Variants in DDX49 observed in about 807,000 individuals in gnomAD.
DDX49 encodes DEAD-box helicase 49, also known as probable ATP-dependent RNA helicase DDX49.
Under a neutral mutation model 56.3 loss-of-function variants are expected in DDX49, and 50 were observed. That is an observed-to-expected ratio of 0.89 (90% CI 0.71 to 1.12). DDX49 has a LOEUF of 1.12. DDX49 is among the 50% of genes most tolerant of loss of function. The probability of loss-of-function intolerance (pLI) is 0.00; values close to 1 mark genes in which losing one functional copy is unlikely to be tolerated. For synonymous variants in DDX49, 269 were observed against 270.6 expected (o/e 0.99, Z 0.06); for missense variants, 614 against 650.5 (o/e 0.94, Z 0.61).
Position 18,928,256 on chromosome 19 carries a change from T to C in DDX49, c.1392T>C (p.Arg464=), listed in dbSNP as rs1387135134. The part of the protein sequence containing the change: ...QKAGRAGHKG[R]PPRTPSGSHS... ...CTGGCAGGGCTGGCCACAAGGGGCGTCCACCCAGGACACCGTCTGGGTCCC... is the reference window on the plus strand; with the variant it reads ...CTGGCAGGGCTGGCCACAAGGGGCGCCCACCCAGGACACCGTCTGGGTCCC... Residue 464 remains arginine, a synonymous_variant, in exon 13 of 13, where the codon CGT becomes CGC. Transcript: ENST00000247003. 1 of 1,588,092 alleles carries C rather than the reference T, an allele frequency of 6.3e-7. No homozygotes were observed. The highest frequency in any genetic ancestry group is 2.3e-5 in the East Asian group (1 of 43,720).
chr19:18,921,864 A>T lies in DDX49; in HGVS notation c.347A>T (p.Glu116Val). 6.2e-7 allele frequency: 1 copy of T among 1,613,988 alleles called. No individual in the cohort carries two copies. The highest frequency in any genetic ancestry group is 8.5e-7 in the Non-Finnish European group (1 of 1,179,992). The change falls in exon 4 of 13, where the codon GAG becomes GTG. Residue 116 changes from glutamate (E) to valine (V), a missense_variant. By Grantham distance (121) the Glu-to-Val change is moderately radical. Coordinates refer to ENST00000247003, the MANE Select transcript of DDX49 (RefSeq NM_019070.5). ...CCAGACATGGTGGCCCAGGCGCTGG[A>T]GCTCTCTCGGAAACCACACGTGGTC... Reference protein sequence around the residue: ...GGMDMVAQALELSRKPHVVIA... With the variant: ...GGMDMVAQALVLSRKPHVVIA...
chr19:18,927,802 A>G lies in DDX49; in HGVS notation c.1139A>G (p.Glu380Gly). The G allele has an allele frequency of 6.2e-7, 1 of 1,613,832 alleles. No homozygotes were observed. Among genetic ancestry groups the G allele is most frequent in the Non-Finnish European group, 8.5e-7 (1 of 1,179,982 alleles). Residue 380 changes from glutamate (E) to glycine (G), a missense_variant, in exon 11 of 13, where the codon GAG becomes GGG. Glu to Gly is a moderately conservative substitution (Grantham distance 98, BLOSUM62 -2). Transcript: ENST00000247003. ...KLEEFSVEEA[E>G]VLQILTQVNV... is the part of the protein sequence containing the mutation. Reference sequence around the variant, plus strand: ...GAGGAGTTCTCCGTGGAAGAGGCCGAGGTGCTACAGATCCTCACACAGGTC... The same window carrying G: ...GAGGAGTTCTCCGTGGAAGAGGCCGGGGTGCTACAGATCCTCACACAGGTC...
At chr19:18,926,678 G>A (rs2056963908) in intron 10 of DDX49, among the ~76,000 whole-genome samples, 1 of 152,154 alleles carries the variant, frequency 6.6e-6, no homozygotes, top group South Asian at 2.1e-4. Context: ...GACAGGGCCT[G>A]GCCTGCTAAA....
rs1481775177 is a variant in DDX49 at position 18,928,176 on chromosome 19, C to G, written c.1312C>G (p.Gln438Glu). Reference protein sequence around the residue: ...KRKAELAKIKQKNRRFKEKVE... With the variant: ...KRKAELAKIKEKNRRFKEKVE... ...CAAGGCTGAGCTGGCCAAGATCAAG[C>G]AGAAGAACCGGCGCTTCAAGGAGAA... Residue 438 changes from glutamine (Q) to glutamate (E), a missense_variant, in exon 13 of 13, where the codon CAG becomes GAG. Physicochemically the swap from Gln to Glu is conservative, Grantham distance 29 (BLOSUM62 2). Coordinates refer to ENST00000247003, the MANE Select transcript of DDX49 (RefSeq NM_019070.5). 2 of 1,589,230 alleles carry G rather than the reference C, an allele frequency of 1.3e-6. No homozygotes were observed.
chr19:18,922,142 C>T, intron 4 of DDX49, 178 bp downstream of exon 4: 1 of 1,165,752 alleles, frequency 8.6e-7, no homozygotes, highest in South Asian at 1.5e-5. Flanking sequence ...GGGCCCAGTC[C>T]TAGCAATGTT....
intron 6 of DDX49, among the ~76,000 whole-genome samples, chr19:18,923,512 A>G (rs1479290630): frequency 1.3e-5 from 2 of 152,072 alleles, no homozygotes; most frequent in Non-Finnish European, 2.9e-5. Context: ...ACAAAGTGAG[A>G]CTGTCTCAGG....
Position 18,928,188 on chromosome 19 carries a change from C to T in DDX49, c.1324C>T (p.Arg442Cys), listed in dbSNP as rs201715848. 11 of 1,585,362 alleles carry T rather than the reference C, an allele frequency of 6.9e-6. No homozygotes were observed. The East Asian group carries it at 1.2e-4, about 17-fold the overall frequency. ...GGCCAAGATCAAGCAGAAGAACCGGCGCTTCAAGGAGAAGGTGGAGGAGAC... is the reference window on the plus strand; with the variant it reads ...GGCCAAGATCAAGCAGAAGAACCGGTGCTTCAAGGAGAAGGTGGAGGAGAC... ...ELAKIKQKNR[R>C]FKEKVEETLK... is the part of the protein sequence containing the mutation. Residue 442 changes from arginine to cysteine, a missense_variant, in exon 13 of 13, where the codon CGC becomes TGC. By Grantham distance (180) the Arg-to-Cys change is radical. Transcript: ENST00000247003.
chr19:18,924,450 C>T (rs767475173), intron 7 of DDX49, 142 bp downstream of exon 7: 34 of 1,066,040 alleles, frequency 3.2e-5, no homozygotes, highest in South Asian at 1.4e-4. Flanking sequence ...GCTCAAGAGG[C>T]CCTCCCTGAC....
At position 18,928,232 on chromosome 19, in the gene DDX49, T is replaced by C. The variant is rs1189062603; in HGVS notation, c.1368T>C (p.Ala456=). 4.4e-6 allele frequency: 7 copies of C among 1,587,238 alleles called. No homozygotes were observed. The highest frequency in any genetic ancestry group is 5.1e-6 in the Non-Finnish European group (6 of 1,166,866). Residue 456 remains alanine, a synonymous_variant, in exon 13 of 13, where the codon GCT becomes GCC. Transcript: ENST00000247003. ...AGGAGACGCTGAAGCGACAGAAGGC[T>C]GGCAGGGCTGGCCACAAGGGGCGTC... ...KVEETLKRQK[A]GRAGHKGRPP... is the part of the protein sequence containing the mutation.
intron 2 of DDX49, chr19:18,920,975 T>C: frequency 4.6e-6 from 1 of 215,794 alleles, no homozygotes; most frequent in Non-Finnish European, 9.4e-6. Flanking sequence ...ACCCCGTCTC[T>C]ACTAAAAATA....
At chr19:18,927,118 G>A (rs892919061) in intron 10 of DDX49, among the ~76,000 whole-genome samples, 15 of 143,020 alleles carry the variant, frequency 1.0e-4, no homozygotes, top group Non-Finnish European at 1.5e-4. Context: ...CTTTAAGGCC[G>A]GGCACGGTGG....
intron 2 of DDX49, 125 bp from the exon 3 acceptor site, chr19:18,921,538 T>G (rs1220230069): frequency 2.2e-6 from 2 of 892,186 alleles, no homozygotes; most frequent in Non-Finnish European, 3.6e-6. Context: ...ATCAGAGCCT[T>G]TGTGAACAGG....
chr19:18,921,603 G>C, intron 2 of DDX49, 60 bp from the exon 3 acceptor site: 1 of 1,505,962 alleles, frequency 6.6e-7, no homozygotes, highest in Non-Finnish European at 9.2e-7. Flanking sequence ...GATGGAGAGG[G>C]GAATGGGGGG....
chr19:18,924,105 G>C, intron 6 of DDX49, 128 bp from the exon 7 acceptor site: 1 of 890,764 alleles, frequency 1.1e-6, no homozygotes, highest in Non-Finnish European at 1.9e-6. Flanking sequence ...ACCGTGCCTG[G>C]CCTGCTGCCT....
chr19:18,924,994 G>GGGAGGCCGAGCCTT lies in DDX49; in HGVS notation c.1027+18_1027+31dup. 5.6e-6 allele frequency: 9 copies of GGGAGGCCGAGCCTT among 1,607,096 alleles called. No individual in the cohort carries two copies. Among genetic ancestry groups the GGGAGGCCGAGCCTT allele is most frequent in the Non-Finnish European group, 7.6e-6 (9 of 1,179,058 alleles). ...GGCCCGTGCAGGTGAGCAGTGGAGG[G>GGGAGGCCGAGCCTT]GGAGGCCGAGCCTTGGGCCTCTGTC... On this transcript the variant is annotated intron_variant, in intron 9 of 12. Coordinates refer to ENST00000247003, the MANE Select transcript of DDX49 (RefSeq NM_019070.5).
At chr19:18,921,453 G>A (rs908532671) in intron 2 of DDX49, among the ~76,000 whole-genome samples, 4 of 152,294 alleles carry the variant, frequency 2.6e-5, no homozygotes, top group East Asian at 1.9e-4. Context: ...AGCTTGGGTC[G>A]GGCTGGTGAA....
At chr19:18,920,941 G>C in intron 2 of DDX49, 1 of 279,840 alleles carries the variant, frequency 3.6e-6, no homozygotes. Context: ...AGGAGTTTGA[G>C]ACCAGCCTGA....
chr19:18,924,358 C>A (rs781392464), intron 7 of DDX49, 50 bp downstream of exon 7: 1 of 1,552,868 alleles, frequency 6.4e-7, no homozygotes, highest in Non-Finnish European at 8.9e-7. Flanking sequence ...ACCTTCCCCG[C>A]CTCAGACATT....
intron 2 of DDX49, 122 bp downstream of exon 2, chr19:18,920,825 G>A (rs887274071): frequency 3.9e-6 from 4 of 1,014,976 alleles, no homozygotes; most frequent in East Asian, 2.8e-5. Flanking sequence ...CTTGCTACCC[G>A]CTTCTTAGGG....
Sources: allele counts gnomAD v4.1 joint callset (sites outside exome capture counted in the v4.1 genomes callset), GRCh38; gene constraint gnomAD v4.1.1; transcripts MANE v1.5; gene names NCBI Gene and HGNC (gene_info 2026-07-23, HGNC 2026-07-21).